Variants in SLC9B2 observed in about 807,000 individuals in gnomAD.
SLC9B2 encodes the protein solute carrier family 9 member B2.
In SLC9B2, 39 loss-of-function variants were observed where a neutral mutation model predicts 52.2. The observed-to-expected ratio is 0.75, with a 90% CI of 0.58 to 0.98. SLC9B2 has a LOEUF of 0.98. Among genes scored for constraint, SLC9B2 ranks in the 50% least tolerant of loss-of-function variants. The pLI is 0.00. For missense variants in SLC9B2, 626 were observed against 637.5 expected, an observed-to-expected ratio of 0.98 and a Z score of 0.19; for synonymous variants, 214 against 227.0, an observed-to-expected ratio of 0.94 and a Z score of 0.51.
chr4:103,031,832 C>G (rs1395397445), intron 9 of SLC9B2, 24 bp from the exon 10 acceptor site: 8 of 1,586,322 alleles, frequency 5.0e-6, no homozygotes, highest in Non-Finnish European at 6.9e-6. Flanking sequence ...AAAACACACA[C>G]AGATTTTTAT....
intron 9 of SLC9B2, among the ~76,000 whole-genome samples, chr4:103,040,177 A>T (rs1004099130): frequency 6.6e-6 from 1 of 152,242 alleles, no homozygotes; most frequent in Admixed American, 6.5e-5. Flanking sequence ...ACATGAAAAT[A>T]TAAAATATCT....
At chr4:103,050,045 C>A (rs1260088602) in intron 5 of SLC9B2, among the ~76,000 whole-genome samples, 195 bp downstream of exon 5, 6 of 151,720 alleles carry the variant, frequency 4.0e-5, no homozygotes, top group African/African-American at 7.3e-5. Flanking sequence ...AATGAGACCA[C>A]CTTTTGAGTT....
chr4:103,020,453 C>A, downstream of SLC9B2: 1 of 390,240 alleles, frequency 2.6e-6, no homozygotes, highest in Non-Finnish European at 5.0e-6. Context: ...ACAAACTGCC[C>A]TTTCCTATCT....
chr4:103,019,517 T>A, downstream of SLC9B2: 4 of 937,068 alleles, frequency 4.3e-6, no homozygotes, highest in Non-Finnish European at 5.1e-6. Context: ...TCCTGCGGCC[T>A]ACCGCAAGGA....
intron 3 of SLC9B2, among the ~76,000 whole-genome samples, chr4:103,062,147 G>A (rs1273249653): frequency 2.6e-5 from 4 of 152,276 alleles, no homozygotes; most frequent in Admixed American, 6.5e-5. Flanking sequence ...TCGGCTGGGC[G>A]CAGTGGCTCA....
At chr4:103,064,042 G>A (rs1047233480) in intron 3 of SLC9B2, among the ~76,000 whole-genome samples, 1 of 152,194 alleles carries the variant, frequency 6.6e-6, no homozygotes, top group African/African-American at 2.4e-5. Flanking sequence ...GTGCACTATT[G>A]GTGGGAATGT....
intron 9 of SLC9B2, chr4:103,042,053 A>C (rs1233465155): frequency 6.6e-6 from 1 of 152,096 alleles, no homozygotes; most frequent in Non-Finnish European, 1.5e-5. Context: ...TTCAATTTGC[A>C]AAGATTTTTA....
chr4:103,026,355 T>G lies in SLC9B2; in HGVS notation c.*15A>C, dbSNP rs530846289. 3 of 1,589,920 alleles carry G rather than the reference T, an allele frequency of 1.9e-6. No homozygotes were observed. Among genetic ancestry groups the G allele is most frequent in the African/African-American group, 2.7e-5 (2 of 74,090 alleles). On this transcript the variant is annotated 3_prime_UTR_variant, in exon 12 of 12. Transcript: ENST00000394785. ...GCTTTCTAAACATTATGTTCAGCAC[T>G]CTCTCTTTTCACCTCTAAACTTGCA...
intron 1 of SLC9B2, among the ~76,000 whole-genome samples, chr4:103,071,595 T>C (rs565003284): frequency 1.8e-3 from 277 of 152,194 alleles, no homozygotes; most frequent in African/African-American, 6.3e-3. Context: ...GCCAGGATGG[T>C]CTCGATCTCT....
At chr4:103,067,670 T>C (rs1487932102) in intron 1 of SLC9B2, 78 bp from the exon 2 acceptor site, 3 of 795,970 alleles carry the variant, frequency 3.8e-6, no homozygotes, top group Non-Finnish European at 4.1e-6. Flanking sequence ...GTACTTATTT[T>C]TTTCCCTAAA....
downstream of SLC9B2, among the ~76,000 whole-genome samples, chr4:103,018,826 G>A (rs77986020): frequency 3.2e-3 from 488 of 152,296 alleles, 5 homozygotes; most frequent in Middle Eastern, 0.017. Flanking sequence ...CAGGTTTGTG[G>A]CCTATTAGGA....
intron 9 of SLC9B2, among the ~76,000 whole-genome samples, chr4:103,035,887 C>T (rs540379842): frequency 9.9e-5 from 15 of 152,214 alleles, no homozygotes; most frequent in East Asian, 1.9e-4. Flanking sequence ...TGCCCATCAA[C>T]GGTAGACTAG....
intron 5 of SLC9B2, 142 bp downstream of exon 5, chr4:103,050,098 A>G: frequency 1.3e-6 from 1 of 750,524 alleles, no homozygotes; most frequent in South Asian, 4.3e-5. Context: ...ACAATCCTCC[A>G]TGAAATAAAT....
chr4:103,070,141 T>C (rs938038687), intron 1 of SLC9B2, among the ~76,000 whole-genome samples: 1 of 152,214 alleles, frequency 6.6e-6, no homozygotes, highest in Non-Finnish European at 1.5e-5. Flanking sequence ...ATCTTACAAC[T>C]AGTCAGCTGT....
intron 6 of SLC9B2, among the ~76,000 whole-genome samples, 191 bp from the exon 7 acceptor site, chr4:103,047,417 A>C (rs1212664470): frequency 6.6e-6 from 1 of 150,924 alleles, no homozygotes; most frequent in East Asian, 1.9e-4. Context: ...TTATACTTTA[A>C]GTTTTAGGGT....
Position 103,076,426 on chromosome 4 carries a change from C to T in SLC9B2, c.-285G>A, listed in dbSNP as rs1007210644. On this transcript the variant is annotated 5_prime_UTR_variant, in exon 1 of 12. Transcript: ENST00000394785. ...CGACACCGCGCAGGGAGGTCCGACC[C>T]GTCGGCGCCGGTACAGGCTCCGGAG... 5.3e-5 allele frequency: 8 copies of T among 152,274 alleles called. No individual in the cohort carries two copies. The highest frequency in any genetic ancestry group is 1.9e-4 in the African/African-American group (8 of 41,472). 9.4% of individuals were successfully genotyped at this position (152,274 alleles called of 1,614,324 possible). A position where few individuals can be genotyped will look rare whatever the true frequency, so the allele number is the denominator to read the frequency against.
chr4:103,065,409 T>C (rs1746034818), intron 3 of SLC9B2: 1 of 152,186 alleles, frequency 6.6e-6, no homozygotes, highest in Admixed American at 6.5e-5. Context: ...TGTGAGGTAA[T>C]ACATATGTTA....
In SLC9B2 at chr4:103,026,137, A is replaced by G. The variant is rs1038839699; in HGVS notation, c.*233T>C. The G allele has an allele frequency of 2.7e-5, 12 of 438,788 alleles. 1 individual carries two copies. The highest frequency in any genetic ancestry group is 2.0e-5 in the Non-Finnish European group (5 of 246,190). The allele number at this position is 438,788 out of a possible 1,614,324, so 27.2% of individuals were successfully genotyped here. ...TTAAAGTAGATATGTCCTTATGCAA[A>G]TTAAGATGGATGATGAAGGGGTGTT... On this transcript the variant is annotated 3_prime_UTR_variant, in exon 12 of 12. Coordinates refer to ENST00000394785, the MANE Select transcript of SLC9B2 (RefSeq NM_178833.7).
Position 103,043,305 on chromosome 4 carries a change from G to C in SLC9B2, c.1137C>G (p.Thr379=), listed in dbSNP as rs115760926. The C allele has an allele frequency of 1.2e-6, 2 of 1,606,110 alleles. No homozygotes were observed. The highest frequency in any genetic ancestry group is 8.5e-7 in the Non-Finnish European group (1 of 1,178,074). The change falls in exon 9 of 12, where the codon ACC becomes ACG. Residue 379 remains threonine, a synonymous_variant. Transcript: ENST00000394785. ...VMAFLAGMGW[T]SEKAEVEKII... is the part of the protein sequence containing the mutation. ...TTAAAATGAAATTCACCTTTTCGCT[G>C]GTCCATCCCATGCCTGCAAGGAAAG...
Sources: allele counts gnomAD v4.1 joint callset (sites outside exome capture counted in the v4.1 genomes callset), GRCh38; gene constraint gnomAD v4.1.1; transcripts MANE v1.5; gene names NCBI Gene and HGNC (gene_info 2026-07-23, HGNC 2026-07-21).